The following BRMS1 variants were observed in gnomAD, a reference collection of about 807,000 sequenced individuals.
BRMS1 encodes the protein BRMS1 transcriptional repressor and anoikis regulator, also known as breast cancer metastasis-suppressor 1.
A neutral mutation model predicts 40.4 loss-of-function variants in BRMS1; 26 were observed. That is an observed-to-expected ratio of 0.64 (90% CI 0.47 to 0.89). BRMS1 has a LOEUF of 0.89. Ranked by LOEUF, BRMS1 falls within the 40% of genes least tolerant of loss-of-function variation. BRMS1 has a pLI of 0.00. For missense variants in BRMS1, 289 were observed against 309.4 expected, an observed-to-expected ratio of 0.93 and a Z score of 0.49; for synonymous variants, 103 against 116.0, an observed-to-expected ratio of 0.89 and a Z score of 0.72.
intron 9 of BRMS1, 44 bp from the exon 10 acceptor site, chr11:66,337,933 C>T (rs1159308028): frequency 1.3e-6 from 2 of 1,585,328 alleles, no homozygotes; most frequent in African/African-American, 2.7e-5. Context: ...AGTTAGGAAG[C>T]TGAAAGGAAG....
At chr11:66,338,583 C>T in intron 8 of BRMS1, 138 bp downstream of exon 8, 1 of 1,555,008 alleles carries the variant, frequency 6.4e-7, no homozygotes, top group Non-Finnish European at 8.7e-7. Flanking sequence ...TGTGAGCCAA[C>T]TGCGATCCAG....
Position 66,341,973 on chromosome 11 carries a change from GC to G in BRMS1, c.139+122del, listed in dbSNP as rs1855094097. 3 of 1,108,650 alleles carry G rather than the reference GC, an allele frequency of 2.7e-6. No individual in the cohort carries two copies. Among genetic ancestry groups the G allele is most frequent in the Non-Finnish European group, 3.9e-6 (3 of 774,694 alleles). The allele number at this position is 1,108,650 out of a possible 1,614,324, so 68.7% of individuals were successfully genotyped here. On this transcript the variant is annotated intron_variant, in intron 2 of 9. Coordinates refer to ENST00000359957, the MANE Select transcript of BRMS1 (RefSeq NM_015399.4). The surrounding 1 kb of genome is among the most constrained non-coding windows in gnomAD (Gnocchi z 4.9). Reference sequence around the variant, plus strand: ...GCTTGTGTGCAGGGTCTGTGTATGTGCTTGTGTGTAGGCGCTGTATGTGCAT... The same window carrying G: ...GCTTGTGTGCAGGGTCTGTGTATGTGTTGTGTGTAGGCGCTGTATGTGCAT...
Position 66,340,766 on chromosome 11 carries a change from G to A in BRMS1, c.535+8C>T, listed in dbSNP as rs367980384. On this transcript the variant is annotated splice_region_variant and intron_variant, in intron 6 of 9. Coordinates refer to ENST00000359957, the MANE Select transcript of BRMS1 (RefSeq NM_015399.4). ...CCAGTTCCGGGGTGCCCAGGCTCTC[G>A]CGCTTACCAGAGCTGAGGTCCAGGC... 73 of 1,608,206 alleles carry A rather than the reference G, an allele frequency of 4.5e-5. No individual in the cohort carries two copies. The Admixed American group carries it at 8.4e-4, about 18-fold the overall frequency.
chr11:66,340,721 G>T, intron 6 of BRMS1, 53 bp downstream of exon 6: 1 of 1,459,902 alleles, frequency 6.8e-7, no homozygotes, highest in Non-Finnish European at 9.4e-7. Flanking sequence ...AAAGAGGGGT[G>T]GGCGTGGACT....
Position 66,341,901 on chromosome 11 carries a change from G to T in BRMS1, c.139+195C>A, listed in dbSNP as rs1270126401. 5.9e-6 allele frequency: 4 copies of T among 674,382 alleles called. No individual in the cohort carries two copies. In the Admixed American group the frequency reaches 9.2e-5, roughly 15 times the overall value. 41.8% of individuals were successfully genotyped at this position (674,382 alleles called of 1,614,324 possible). ...GTGTGCATACGTGCTTGTGTGTAGG[G>T]GCTGTGTGTGCGTGCTTGTGTGTAG... On this transcript the variant is annotated intron_variant, in intron 2 of 9. Transcript: ENST00000359957. The surrounding 1 kb of genome is among the most constrained non-coding windows in gnomAD (Gnocchi z 4.9).
At position 66,337,583 on chromosome 11, in the gene BRMS1, T is replaced by G. The variant is rs1590924814; in HGVS notation, c.*299A>C. 3.5e-6 allele frequency: 4 copies of G among 1,133,498 alleles called. No homozygotes were observed. Among genetic ancestry groups the G allele is most frequent in the African/African-American group, 3.1e-5 (2 of 64,614 alleles). 70.2% of individuals were successfully genotyped at this position (1,133,498 alleles called of 1,614,324 possible). On this transcript the variant is annotated 3_prime_UTR_variant, in exon 10 of 10. Coordinates refer to ENST00000359957, the MANE Select transcript of BRMS1 (RefSeq NM_015399.4). The stretch of plus-strand genomic sequence containing the variant: ...GCTTTGACTTCGGCTGTCTTCTCTG[T>G]CAGGGGAGCCCCAAGAGATGGATCT...
At chr11:66,342,377 C>G in intron 1 of BRMS1, 136 bp from the exon 2 acceptor site, 1 of 1,129,194 alleles carries the variant, frequency 8.9e-7, no homozygotes, top group Non-Finnish European at 1.3e-6. Context: ...ACCTTGAGCA[C>G]AAACTGGGTG....
chr11:66,342,830 C>G (rs907929116), intron 1 of BRMS1, among the ~76,000 whole-genome samples: 27 of 152,254 alleles, frequency 1.8e-4, no homozygotes, highest in African/African-American at 5.3e-4. Flanking sequence ...CTAGTGCTTG[C>G]ACTTCCACTA....
Position 66,341,303 on chromosome 11 carries a change from C to T in BRMS1, c.261G>A (p.Arg87=). ...CAGCCCCCACTTCCTCCAGCCGCAACCGCAGCTGACTCAGTCGTTCCCTGA... is the reference window on the plus strand; with the variant it reads ...CAGCCCCCACTTCCTCCAGCCGCAATCGCAGCTGACTCAGTCGTTCCCTGA... ...KLFRERLSQL[R]LRLEEVGAER... is the part of the protein sequence containing the mutation. The change falls in exon 4 of 10, where the codon CGG becomes CGA. Residue 87 remains arginine (R), a synonymous_variant. Transcript: ENST00000359957. This position sits in a 1 kb window ranked among gnomAD's most constrained non-coding sequence, Gnocchi z 4.9. The T allele has an allele frequency of 6.2e-7, 1 of 1,613,546 alleles. No individual in the cohort carries two copies. The highest frequency in any genetic ancestry group is 8.5e-7 in the Non-Finnish European group (1 of 1,179,542).
intron 8 of BRMS1, 189 bp from the exon 9 acceptor site, chr11:66,338,471 T>TACCC: frequency 6.6e-7 from 1 of 1,512,838 alleles, no homozygotes; most frequent in Non-Finnish European, 8.8e-7. Context: ...CTCTCCCGCC[T>TACCC]CCCCGCCACC....
At position 66,337,829 on chromosome 11, in the gene BRMS1, C is replaced by G. The variant is rs747178716; in HGVS notation, c.*53G>C. On this transcript the variant is annotated 3_prime_UTR_variant, in exon 10 of 10. Coordinates refer to ENST00000359957, the MANE Select transcript of BRMS1 (RefSeq NM_015399.4). ...CTGTCTGCAGGAGGAAGACGAGAAT[C>G]CTGGGTGCAGTGCCAGCTGCTCTGA... 2.5e-6 allele frequency: 4 copies of G among 1,614,210 alleles called. No individual in the cohort carries two copies. The highest frequency in any genetic ancestry group is 1.3e-5 in the African/African-American group (1 of 75,064).
chr11:66,342,443 T>G (rs1164562244), intron 1 of BRMS1, among the ~76,000 whole-genome samples: 3 of 152,240 alleles, frequency 2.0e-5, no homozygotes, highest in Admixed American at 6.5e-5. Flanking sequence ...GCTGTGGAAC[T>G]GCTCCTGCTC....
At chr11:66,338,202 C>A in intron 9 of BRMS1, 41 bp downstream of exon 9, 1 of 1,604,100 alleles carries the variant, frequency 6.2e-7, no homozygotes, top group Non-Finnish European at 8.5e-7. Flanking sequence ...AAGGTGATGG[C>A]AAGGGGGCAG....
rs772108996 is a variant in BRMS1 at position 66,338,332 on chromosome 11, C to T, written c.694-50G>A. 7.6e-6 allele frequency: 12 copies of T among 1,570,976 alleles called. No individual in the cohort carries two copies. The Admixed American group carries it at 1.5e-4, about 19-fold the overall frequency. ...CCCTGAGAGCCCACCTCCAGCTTGGCAATCCCTGCCCCACCCCCCACCTCT... is the reference window on the plus strand; with the variant it reads ...CCCTGAGAGCCCACCTCCAGCTTGGTAATCCCTGCCCCACCCCCCACCTCT... On this transcript the variant is annotated intron_variant, in intron 8 of 9. Transcript: ENST00000359957.
At chr11:66,339,984 C>T (rs2134961746) in intron 7 of BRMS1, 137 bp downstream of exon 7, 1 of 658,178 alleles carries the variant, frequency 1.5e-6, no homozygotes. Flanking sequence ...TTTGCCTGGA[C>T]ATATTCACAT....
chr11:66,338,480 C>T, intron 8 of BRMS1, 198 bp from the exon 9 acceptor site: 1 of 1,518,786 alleles, frequency 6.6e-7, no homozygotes, highest in Non-Finnish European at 8.8e-7. Flanking sequence ...CTCCCCGCCA[C>T]CCTCCCACCC....
chr11:66,338,566 G>C (rs1854991720), intron 8 of BRMS1, 155 bp downstream of exon 8: 1 of 1,540,250 alleles, frequency 6.5e-7, no homozygotes, highest in Admixed American at 2.0e-5. Context: ...CCTTGAGCAA[G>C]AGGACTTGTG....
At position 66,341,036 on chromosome 11, in the gene BRMS1, C is replaced by G; in HGVS notation, c.369G>C (p.Lys123Asn). Residue 123 changes from lysine to asparagine, a missense_variant, in exon 5 of 10, where the codon AAG becomes AAC. By Grantham distance (94) the Lys-to-Asn change is moderately conservative (BLOSUM62 0). Coordinates refer to ENST00000359957, the MANE Select transcript of BRMS1 (RefSeq NM_015399.4). The surrounding 1 kb of genome is among the most constrained non-coding windows in gnomAD (Gnocchi z 4.9). ...TCCTGATCACATCCAGACAGAAGCC[C>G]TTGTAGATCCCTGCAGAGAAAGGGA... ...KIRIQVAGIY[K>N]GFCLDVIRNK... is the part of the protein sequence containing the mutation. 2 of 1,614,030 alleles carry G rather than the reference C, an allele frequency of 1.2e-6. No individual in the cohort carries two copies. Among genetic ancestry groups the G allele is most frequent in the Non-Finnish European group, 1.7e-6 (2 of 1,180,024 alleles).
At position 66,338,666 on chromosome 11, in the gene BRMS1, C is replaced by T. The variant is rs367929491; in HGVS notation, c.693+55G>A. 60 of 1,613,188 alleles carry T rather than the reference C, an allele frequency of 3.7e-5. No individual in the cohort carries two copies. In the African/African-American group the frequency reaches 6.0e-4, roughly 16 times the overall value. ...AGGCCTGCAGATGGCAGAGCTGCTG[C>T]CAGGGTGGGGGGCCCTGAGGTGGGG... is the stretch of plus-strand genomic sequence containing the variant. On this transcript the variant is annotated intron_variant, in intron 8 of 9. Transcript: ENST00000359957.
Sources: allele counts gnomAD v4.1 joint callset (sites outside exome capture counted in the v4.1 genomes callset), GRCh38; gene constraint gnomAD v4.1.1; non-coding constraint Gnocchi (gnomAD v3.1); transcripts MANE v1.5; gene names NCBI Gene and HGNC (gene_info 2026-07-23, HGNC 2026-07-21).